GOLGA1: variants seen among roughly 807,000 people sequenced by gnomAD.
The protein encoded by GOLGA1 is golgin A1.
In GOLGA1, 63 loss-of-function variants were observed where a neutral mutation model predicts 119.7. The ratio of observed to expected loss-of-function variants is 0.53; its 90% CI spans 0.43 to 0.65. GOLGA1 has a LOEUF of 0.65. Among genes scored for constraint, GOLGA1 ranks in the 30% least tolerant of loss-of-function variants. GOLGA1 has a pLI of 0.00. For missense variants in GOLGA1, 798 were observed against 912.8 expected (o/e 0.87, Z 1.62); for synonymous variants, 318 against 333.4 (o/e 0.95, Z 0.50).
intron 15 of GOLGA1, among the ~76,000 whole-genome samples, chr9:124,891,635 ATTCTTTTGTTTT>A (rs1449569153): frequency 4.7e-5 from 7 of 150,056 alleles, no homozygotes; most frequent in Non-Finnish European, 7.4e-5. Flanking sequence ...AGAGGGTCCC[ATTCTTTTGTTTT>A]TTTTTTTCTT....
At chr9:124,889,392 C>G in intron 17 of GOLGA1, 42 bp downstream of exon 17, 1 of 1,591,960 alleles carries the variant, frequency 6.3e-7, no homozygotes, top group South Asian at 1.1e-5. Context: ...GGATGCTGGG[C>G]CTGAAAAGGA....
intron 15 of GOLGA1, among the ~76,000 whole-genome samples, chr9:124,894,102 C>T (rs1018628977): frequency 5.9e-5 from 9 of 152,190 alleles, no homozygotes; most frequent in African/African-American, 1.9e-4. Flanking sequence ...CTTTCTTGAC[C>T]AGTTGGCAGC....
chr9:124,894,380 T>G (rs961724952), intron 15 of GOLGA1, among the ~76,000 whole-genome samples: 10 of 147,834 alleles, frequency 6.8e-5, no homozygotes, highest in Middle Eastern at 3.4e-3. Context: ...ATTTAAAGTT[T>G]TGTGTGTGTG....
At chr9:124,929,867 A>G (rs1192920212) in intron 4 of GOLGA1, among the ~76,000 whole-genome samples, 1 of 152,216 alleles carries the variant, frequency 6.6e-6, no homozygotes, top group Non-Finnish European at 1.5e-5. Flanking sequence ...AGGTGGCCAA[A>G]GAAGATAGTT....
At chr9:124,885,613 A>T (rs2131366433) in intron 19 of GOLGA1, among the ~76,000 whole-genome samples, 1 of 152,062 alleles carries the variant, frequency 6.6e-6, no homozygotes, top group South Asian at 2.1e-4. Flanking sequence ...AGGGTGGCAT[A>T]AAGAAAGTGA....
At chr9:124,935,795 G>C (rs1158469151) in intron 3 of GOLGA1, among the ~76,000 whole-genome samples, 1 of 150,918 alleles carries the variant, frequency 6.6e-6, no homozygotes, top group Non-Finnish European at 1.5e-5. Context: ...AGAAATAGAA[G>C]CCATAATACG....
upstream of GOLGA1, chr9:124,943,729 T>C (rs1021796567): frequency 6.6e-6 from 1 of 152,170 alleles, no homozygotes; most frequent in African/African-American, 2.4e-5. Context: ...GGGAAAAAGA[T>C]CAAACATAAC....
intron 15 of GOLGA1, among the ~76,000 whole-genome samples, chr9:124,895,246 GA>G (rs1258080804): frequency 1.0e-4 from 14 of 139,996 alleles, no homozygotes; most frequent in East Asian, 2.3e-4. Context: ...CCACAACAGA[GA>G]ACCCTCCATA....
In GOLGA1 at chr9:124,889,192, C is replaced by A; in HGVS notation, c.1712G>T (p.Arg571Met). Residue 571 changes from arginine (R) to methionine (M), a missense_variant, in exon 18 of 23, where the codon AGG (arginine) becomes ATG (methionine). Coordinates refer to ENST00000373555, the MANE Select transcript of GOLGA1 (RefSeq NM_002077.4). ...TTCGGCCTGCAATGGGCCCCGCAGCCTCAGCAGGTCCTCCTGCTCCGCGAC... is the reference window on the plus strand; with the variant it reads ...TTCGGCCTGCAATGGGCCCCGCAGCATCAGCAGGTCCTCCTGCTCCGCGAC... ...AVVAEQEDLLRLRGPLQAEAL... is the reference protein window; with the variant it reads ...AVVAEQEDLLMLRGPLQAEAL... 1 of 1,612,852 alleles carries A rather than the reference C, an allele frequency of 6.2e-7. No individual in the cohort carries two copies. Among genetic ancestry groups the A allele is most frequent in the Non-Finnish European group, 8.5e-7 (1 of 1,179,996 alleles).
intron 11 of GOLGA1, among the ~76,000 whole-genome samples, chr9:124,910,858 A>G (rs1830325320): frequency 6.6e-6 from 1 of 152,110 alleles, no homozygotes; most frequent in Admixed American, 6.6e-5. Flanking sequence ...TCTGAGGTGG[A>G]ACAGTTTTAT....
chr9:124,878,647 G>A lies in GOLGA1; in HGVS notation c.*1883C>T, dbSNP rs1829499841. 1 of 152,304 alleles carries A rather than the reference G, an allele frequency of 6.6e-6. No individual in the cohort carries two copies. Among genetic ancestry groups the A allele is most frequent in the Non-Finnish European group, 1.5e-5 (1 of 68,050 alleles). 9.4% of individuals were successfully genotyped at this position (152,304 alleles called of 1,614,324 possible). On this transcript the variant is annotated 3_prime_UTR_variant, in exon 23 of 23. Transcript: ENST00000373555. ...CTAGTCAGTGAAGCCTCCCTAAAGTGAGTACAGACCTAGGAACGGGCCCCA... is the reference window on the plus strand; with the variant it reads ...CTAGTCAGTGAAGCCTCCCTAAAGTAAGTACAGACCTAGGAACGGGCCCCA...
At chr9:124,905,603 G>A (rs1830211598) in intron 12 of GOLGA1, among the ~76,000 whole-genome samples, 2 of 152,096 alleles carry the variant, frequency 1.3e-5, no homozygotes, top group South Asian at 4.1e-4. Flanking sequence ...CAGTCTGGAG[G>A]TCTTTAATGC....
intron 7 of GOLGA1, among the ~76,000 whole-genome samples, chr9:124,923,736 G>A (rs911478661): frequency 6.6e-6 from 1 of 150,892 alleles, no homozygotes; most frequent in African/African-American, 2.4e-5. Flanking sequence ...ACATTCTCCT[G>A]CCTCAGCCTC....
Position 124,890,418 on chromosome 9 carries a change from G to C in GOLGA1, c.1468C>G (p.Arg490Gly), listed in dbSNP as rs764323375. 2 of 1,613,234 alleles carry C rather than the reference G, an allele frequency of 1.2e-6. No individual in the cohort carries two copies. The highest frequency in any genetic ancestry group is 2.2e-5 in the South Asian group (2 of 91,070). The change falls in exon 16 of 23, where the codon CGG becomes GGG. Residue 490 changes from arginine (R) to glycine (G), a missense_variant. Arg to Gly is a moderately radical substitution (Grantham distance 125). Transcript: ENST00000373555. ...TGCTGGAACTCTTCCCTTTGCTTCCGCACCTCCTCCAGGGCTTGAGCCATG... is the reference window on the plus strand; with the variant it reads ...TGCTGGAACTCTTCCCTTTGCTTCCCCACCTCCTCCAGGGCTTGAGCCATG... ...VAMAQALEEVRKQREEFQQQA... is the reference protein window; with the variant it reads ...VAMAQALEEVGKQREEFQQQA...
rs35331600 is a variant in GOLGA1 at position 124,883,104 on chromosome 9, ATT to A, written c.1906-537_1906-536del. Among the ~76,000 whole-genome samples, 11 of 148,872 alleles carry A rather than the reference ATT, an allele frequency of 7.4e-5. No homozygotes were observed. The East Asian group carries it at 7.9e-4, about 11-fold the overall frequency. ...TTTTAGATAAATAATTTGGAAAATA[ATT>A]TTTTTTTTTTTGAGATGGAGTCTCA... On this transcript the variant is annotated intron_variant, in intron 19 of 22. Transcript: ENST00000373555.
Position 124,896,182 on chromosome 9 carries a change from C to T in GOLGA1, c.1407+2367G>A, listed in dbSNP as rs1041784624. 6.0e-5 allele frequency among the ~76,000 whole-genome samples: 9 copies of T among 151,114 alleles called. No homozygotes were observed. In the South Asian group the frequency reaches 1.0e-3, roughly 18 times the overall value. ...TAATCCCAGCACTTTGGGAGGCCAA[C>T]GCAGGTGGATCACTTGAGGTCAGGA... On this transcript the variant is annotated intron_variant, in intron 15 of 22. Coordinates refer to ENST00000373555, the MANE Select transcript of GOLGA1 (RefSeq NM_002077.4).
At chr9:124,937,742 C>G (rs1197504574) in intron 3 of GOLGA1, among the ~76,000 whole-genome samples, 1 of 152,036 alleles carries the variant, frequency 6.6e-6, no homozygotes, top group Admixed American at 6.6e-5. Flanking sequence ...ATAGCAACAT[C>G]TTCATTTTTT....
At chr9:124,940,391 C>T (rs1393708257) in intron 1 of GOLGA1, among the ~76,000 whole-genome samples, 2 of 152,146 alleles carry the variant, frequency 1.3e-5, no homozygotes, top group Non-Finnish European at 2.9e-5. Flanking sequence ...AATTGATCAC[C>T]GCAGCGGGTG....
chr9:124,921,237 A>T lies in GOLGA1; in HGVS notation c.735T>A (p.Asp245Glu). 1.3e-6 allele frequency: 2 copies of T among 1,584,358 alleles called. No individual in the cohort carries two copies. The highest frequency in any genetic ancestry group is 1.7e-6 in the Non-Finnish European group (2 of 1,153,282). ...CACCTGTTTTTGAAGCTATCACATG[A>T]TCTCTTCATCAAAAGAAAGCAGACA... ...RHYSTLEEQR[D>E]HVIASKTGAE... The change falls in exon 10 of 23, where the codon GAT (aspartate) becomes GAA (glutamate). Residue 245 changes from aspartate to glutamate, a missense_variant. Physicochemically the swap from Asp to Glu is conservative, Grantham distance 45 (BLOSUM62 2). Transcript: ENST00000373555.
Sources: allele counts gnomAD v4.1 joint callset (sites outside exome capture counted in the v4.1 genomes callset), GRCh38; gene constraint gnomAD v4.1.1; transcripts MANE v1.5; gene names NCBI Gene and HGNC (gene_info 2026-07-23, HGNC 2026-07-21).